The following ASTN2 variants were observed in gnomAD, a reference collection of about 807,000 sequenced individuals.
The protein encoded by ASTN2 is astrotactin 2.
In ASTN2, 54 loss-of-function variants were observed where a neutral mutation model predicts 139.8. The observed-to-expected ratio is 0.39, with a 90% CI of 0.31 to 0.48. The LOEUF is 0.48. Ranked by LOEUF, ASTN2 falls within the 20% of genes least tolerant of loss-of-function variation. The probability of loss-of-function intolerance (pLI) is 0.95; values close to 1 mark genes in which losing one functional copy is unlikely to be tolerated. For missense variants in ASTN2, 1,565 were observed against 1,725.1 expected, an observed-to-expected ratio of 0.91 and a Z score of 1.64; for synonymous variants, 756 against 719.5, an observed-to-expected ratio of 1.05 and a Z score of -0.81.
intron 2 of ASTN2, among the ~76,000 whole-genome samples, chr9:117,246,146 C>T (rs63611760): frequency 1.2e-5 from 1 of 83,562 alleles, no homozygotes; most frequent in Non-Finnish European, 2.7e-5. Context: ...TGAAAACAAA[C>T]AAAAAAAAGC....
chr9:116,687,791 T>C (rs1264960259), intron 16 of ASTN2, among the ~76,000 whole-genome samples: 1 of 151,646 alleles, frequency 6.6e-6, no homozygotes, highest in East Asian at 1.9e-4. Flanking sequence ...CCGATGAGAT[T>C]TGAGGAAATC....
chr9:116,773,585 AAG>A (rs1830008215), intron 13 of ASTN2, among the ~76,000 whole-genome samples: 1 of 152,216 alleles, frequency 6.6e-6, no homozygotes, highest in Admixed American at 6.5e-5. Flanking sequence ...TAAGGTGAGA[AAG>A]AGAGAAAAAG....
chr9:116,990,468 T>C (rs893310734), intron 7 of ASTN2, among the ~76,000 whole-genome samples: 4 of 149,728 alleles, frequency 2.7e-5, no homozygotes, highest in African/African-American at 9.8e-5. Flanking sequence ...GGTCTCACCA[T>C]GCTGGCCAAG....
At chr9:116,519,819 G>A (rs1291224729) in intron 19 of ASTN2, among the ~76,000 whole-genome samples, 2 of 151,922 alleles carry the variant, frequency 1.3e-5, no homozygotes, top group Non-Finnish European at 1.5e-5. Flanking sequence ...AATAAAATGG[G>A]AGATATTACA....
At chr9:116,450,818 A>C (rs1429288120) in intron 20 of ASTN2, among the ~76,000 whole-genome samples, 2 of 152,192 alleles carry the variant, frequency 1.3e-5, no homozygotes, top group African/African-American at 2.4e-5. Context: ...TCCCAACTCA[A>C]GCTGACAACC....
intron 19 of ASTN2, among the ~76,000 whole-genome samples, chr9:116,523,948 G>A (rs541950347): frequency 6.6e-6 from 1 of 152,174 alleles, no homozygotes; most frequent in Non-Finnish European, 1.5e-5. Flanking sequence ...CAGATGCATG[G>A]ACTATATTTT....
In ASTN2 at chr9:117,394,517, G is replaced by A. The variant is rs140045025; in HGVS notation, c.442+19980C>T. ...GAGGCCTAAGAAAGATAAATAAAGT[G>A]TCCTGAATAAAGTTAATCAAAGATA... On this transcript the variant is annotated intron_variant, in intron 1 of 22. Coordinates refer to ENST00000313400, the MANE Select transcript of ASTN2 (RefSeq NM_001365068.1). 5.9e-5 allele frequency among the ~76,000 whole-genome samples: 9 copies of A among 152,254 alleles called. No individual in the cohort carries two copies. In the East Asian group the frequency reaches 1.7e-3, roughly 29 times the overall value.
chr9:117,103,990 C>CACAGTGCCAGGA (rs1229512815), intron 4 of ASTN2, among the ~76,000 whole-genome samples: 1 of 152,192 alleles, frequency 6.6e-6, no homozygotes, highest in Non-Finnish European at 1.5e-5. Flanking sequence ...ATAGGCCAGG[C>CACAGTGCCAGGA]ACTTTACACA....
intron 5 of ASTN2, among the ~76,000 whole-genome samples, chr9:117,064,397 T>C (rs1827870273): frequency 6.6e-6 from 1 of 152,110 alleles, no homozygotes; most frequent in South Asian, 2.1e-4. Flanking sequence ...TCGCAGATGA[T>C]CCCTGTTGTA....
chr9:116,924,564 G>T (rs532778916), intron 10 of ASTN2, among the ~76,000 whole-genome samples: 2 of 152,118 alleles, frequency 1.3e-5, no homozygotes, highest in South Asian at 4.2e-4. Context: ...TGAATTTTCC[G>T]GGAAAGGGGC....
intron 6 of ASTN2, among the ~76,000 whole-genome samples, chr9:117,016,609 T>TAGTTA (rs1564385671): frequency 1.3e-4 from 2 of 15,586 alleles, no homozygotes; most frequent in African/African-American, 4.0e-4. Context: ...TATATCTATA[T>TAGTTA]CTATATCTAT....
At chr9:116,696,917 C>T (rs1261731137) in intron 16 of ASTN2, among the ~76,000 whole-genome samples, 1 of 150,338 alleles carries the variant, frequency 6.7e-6, no homozygotes, top group East Asian at 2.0e-4. Context: ...TCCTAGGCCC[C>T]CAAACATGAC....
At chr9:116,606,071 G>A (rs1459771760) in intron 19 of ASTN2, among the ~76,000 whole-genome samples, 5 of 152,100 alleles carry the variant, frequency 3.3e-5, no homozygotes, top group African/African-American at 1.2e-4. Context: ...CCCTGCCCAA[G>A]AGGCTGAAAC....
At chr9:116,609,377 GTGTATATATA>G (rs1423076087) in intron 19 of ASTN2, among the ~76,000 whole-genome samples, 3 of 31,614 alleles carry the variant, frequency 9.5e-5, no homozygotes, top group Non-Finnish European at 1.7e-4. Flanking sequence ...ATATATATGG[GTGTATATATA>G]TATATATATA....
intron 19 of ASTN2, among the ~76,000 whole-genome samples, chr9:116,514,147 C>A (rs913601360): frequency 6.6e-6 from 1 of 151,710 alleles, no homozygotes; most frequent in African/African-American, 2.4e-5. Flanking sequence ...TACCTTTGGT[C>A]TTTGATGATG....
intron 6 of ASTN2, among the ~76,000 whole-genome samples, chr9:117,011,304 T>A (rs1837527641): frequency 6.6e-6 from 1 of 152,168 alleles, no homozygotes; most frequent in South Asian, 2.1e-4. Flanking sequence ...TATTTGGAAG[T>A]GGAGTCTTTG....
chr9:116,428,297 G>A (rs1270555750), intron 22 of ASTN2, among the ~76,000 whole-genome samples: 17 of 152,158 alleles, frequency 1.1e-4, no homozygotes, highest in Admixed American at 9.8e-4. Context: ...AGGCCAAGGC[G>A]GGTGGATCAC....
At chr9:116,513,099 T>C (rs577582841) in intron 19 of ASTN2, among the ~76,000 whole-genome samples, 1 of 152,328 alleles carries the variant, frequency 6.6e-6, no homozygotes, top group African/African-American at 2.4e-5. Context: ...CTAGCATTGA[T>C]GGTCTTTACA....
chr9:117,025,330 T>C (rs147520151), intron 6 of ASTN2, among the ~76,000 whole-genome samples: 1 of 152,272 alleles, frequency 6.6e-6, no homozygotes, highest in Non-Finnish European at 1.5e-5. Context: ...ATGCCCACAA[T>C]GTGCCCTCAC....
Sources: gnomAD v4.1 joint callset for allele counts (sites outside exome capture counted in the v4.1 genomes callset) on GRCh38, gnomAD v4.1.1 for gene constraint, MANE v1.5 for transcripts, NCBI Gene and HGNC (gene_info 2026-07-23, HGNC 2026-07-21) for gene names.